Variants in LYZL4 observed in about 807,000 individuals in gnomAD.
The protein encoded by LYZL4 is lysozyme-like protein 4.
LYZL4 carries 13 observed loss-of-function variants against 17.6 expected under a neutral mutation model. The observed-to-expected ratio is 0.74, with a 90% CI of 0.48 to 1.18. LYZL4 has a LOEUF of 1.18. Among genes scored for constraint, LYZL4 ranks in the 50% most tolerant of loss-of-function variants. LYZL4 has a pLI of 0.00. For synonymous variants in LYZL4, 64 were observed against 67.7 expected (o/e 0.95, Z 0.27); for missense variants, 174 against 188.2 (o/e 0.92, Z 0.44).
chr3:42,373,357 T>C, the LYZL4 span, among the ~76,000 whole-genome samples: 1 of 152,106 alleles, frequency 6.6e-6, no homozygotes, highest in Non-Finnish European at 1.5e-5. Context: ...AAACCCTATA[T>C]TCCTGGGTGC....
chr3:42,361,472 ATTAT>A, the LYZL4 span, among the ~76,000 whole-genome samples: 22 of 152,138 alleles, frequency 1.4e-4, no homozygotes, highest in Non-Finnish European at 2.8e-4. Context: ...CTATATAATT[ATTAT>A]TTAATGTTTT....
intron 4 of LYZL4, among the ~76,000 whole-genome samples, chr3:42,398,621 C>A (rs1324892307): frequency 6.6e-6 from 1 of 152,170 alleles, no homozygotes; most frequent in African/African-American, 2.4e-5. Context: ...CTACACCTCA[C>A]TTTTTATACC....
rs750501330 is a variant in LYZL4 at position 42,406,866 on chromosome 3, C to T, written c.272G>A (p.Arg91His). Residue 91 changes from arginine to histidine, a missense_variant, in exon 3 of 5, where the codon CGC becomes CAC. Coordinates refer to ENST00000287748, the MANE Select transcript of LYZL4 (RefSeq NM_144634.4). Reference sequence around the variant, plus strand: ...CTTACCGGAACATGACATATGGCAGCGGTTCCTGCCATGGTCGCCACACCA... The same window carrying T: ...CTTACCGGAACATGACATATGGCAGTGGTTCCTGCCATGGTCGCCACACCA... Reference protein sequence around the residue: ...SDWCGDHGRNRCHMSCSALLN... With the variant: ...SDWCGDHGRNHCHMSCSALLN... 1.2e-5 allele frequency: 19 copies of T among 1,613,998 alleles called. No individual in the cohort carries two copies. The highest frequency in any genetic ancestry group is 4.0e-5 in the African/African-American group (3 of 74,938).
At chr3:42,382,814 C>A in the LYZL4 span, among the ~76,000 whole-genome samples, 1 of 151,882 alleles carries the variant, frequency 6.6e-6, no homozygotes, top group South Asian at 2.1e-4. Context: ...GGACAGCCTG[C>A]TAGAAATGGG....
Position 42,410,531 on chromosome 3 carries a change from G to T in LYZL4, c.-207C>A, listed in dbSNP as rs1250909171. ...CAGGGAAGTTGCTCCACCTACATTTGGTTCCTTGGGTTTTTCAGATGCTAC... is the reference window on the plus strand; with the variant it reads ...CAGGGAAGTTGCTCCACCTACATTTTGTTCCTTGGGTTTTTCAGATGCTAC... On this transcript the variant is annotated 5_prime_UTR_variant, in exon 1 of 5. Transcript: ENST00000287748. The T allele has an allele frequency of 6.6e-6, 1 of 152,128 alleles. No homozygotes were observed. The highest frequency in any genetic ancestry group is 2.4e-5 in the African/African-American group (1 of 41,412). The allele number at this position is 152,128 out of a possible 1,614,324, so 9.4% of individuals were successfully genotyped here.
chr3:42,406,453 CAAAAAAAAAAAAAA>C (rs565639489), intron 3 of LYZL4, among the ~76,000 whole-genome samples: 41,423 of 84,720 alleles, frequency 0.49, 6,582 homozygotes, highest in East Asian at 0.59. Flanking sequence ...GACTCCGTCT[CAAAAAAAAAAAAAA>C]AAAAAAAAAA....
At chr3:42,369,424 C>A in the LYZL4 span, among the ~76,000 whole-genome samples, 2 of 152,230 alleles carry the variant, frequency 1.3e-5, no homozygotes, top group Admixed American at 1.3e-4. Flanking sequence ...TTAGCTGCCT[C>A]TGGAACCTGA....
chr3:42,376,399 G>A, the LYZL4 span, among the ~76,000 whole-genome samples: 1 of 152,154 alleles, frequency 6.6e-6, no homozygotes, highest in Non-Finnish European at 1.5e-5. Context: ...TTCCTGGGTA[G>A]GAAGCCACTC....
At chr3:42,403,464 C>A (rs555262266) in intron 4 of LYZL4, among the ~76,000 whole-genome samples, 1 of 151,750 alleles carries the variant, frequency 6.6e-6, no homozygotes, top group African/African-American at 2.4e-5. Flanking sequence ...TTAGTAGAGA[C>A]GAGGTTTTGC....
chr3:42,393,327 G>A (rs1038859889), downstream of LYZL4, among the ~76,000 whole-genome samples: 2 of 143,008 alleles, frequency 1.4e-5, no homozygotes, highest in African/African-American at 2.7e-5. Flanking sequence ...GGCACCAGAC[G>A]TGTGCGCGTG....
chr3:42,383,615 G>A, the LYZL4 span, among the ~76,000 whole-genome samples: 1 of 151,970 alleles, frequency 6.6e-6, no homozygotes, highest in African/African-American at 2.4e-5. Flanking sequence ...GAAAGAAAGA[G>A]ACTGCTGCCA....
At chr3:42,385,134 T>C in the LYZL4 span, among the ~76,000 whole-genome samples, 1 of 152,070 alleles carries the variant, frequency 6.6e-6, no homozygotes, top group Non-Finnish European at 1.5e-5. Flanking sequence ...AAAAATAACC[T>C]AATTAAATCT....
chr3:42,404,490 G>T (rs1042886719), intron 3 of LYZL4, among the ~76,000 whole-genome samples: 2 of 152,168 alleles, frequency 1.3e-5, no homozygotes, highest in African/African-American at 2.4e-5. Flanking sequence ...TGCCAACTCA[G>T]TCTGGGACTT....
At chr3:42,384,722 A>G in the LYZL4 span, among the ~76,000 whole-genome samples, 2 of 152,222 alleles carry the variant, frequency 1.3e-5, no homozygotes, top group Non-Finnish European at 2.9e-5. Context: ...TTTCACAGTC[A>G]CAGTGAAAGC....
intron 4 of LYZL4, among the ~76,000 whole-genome samples, chr3:42,401,671 T>C (rs183307274): frequency 1.3e-5 from 2 of 152,268 alleles, no homozygotes; most frequent in East Asian, 3.9e-4. Context: ...TTTGAATTTT[T>C]AAGTCAGGTG....
At chr3:42,365,609 C>T in the LYZL4 span, among the ~76,000 whole-genome samples, 1 of 152,156 alleles carries the variant, frequency 6.6e-6, no homozygotes, top group African/African-American at 2.4e-5. Flanking sequence ...GCTAACATCC[C>T]ATTGGCCAAA....
At chr3:42,395,429 A>C (rs568105803), downstream of LYZL4, among the ~76,000 whole-genome samples, 5 of 152,352 alleles carry the variant, frequency 3.3e-5, no homozygotes, top group South Asian at 1.0e-3. Flanking sequence ...AGATCACAAA[A>C]TATTGAGTGA....
At chr3:42,388,290 G>T in the LYZL4 span, among the ~76,000 whole-genome samples, 1 of 152,198 alleles carries the variant, frequency 6.6e-6, no homozygotes, top group Non-Finnish European at 1.5e-5. Context: ...TGTTGTATCA[G>T]CCTCCCAGTA....
chr3:42,368,708 A>C, the LYZL4 span, among the ~76,000 whole-genome samples: 1 of 152,180 alleles, frequency 6.6e-6, no homozygotes, highest in Admixed American at 6.5e-5. Flanking sequence ...ATATGCGCCC[A>C]GATTGCTTTC....
Sources: gnomAD v4.1 joint callset for allele counts (sites outside exome capture counted in the v4.1 genomes callset) on GRCh38, gnomAD v4.1.1 for gene constraint, MANE v1.5 for transcripts, NCBI Gene and HGNC (gene_info 2026-07-23, HGNC 2026-07-21) for gene names.